The following EYS variants were observed in gnomAD, a reference collection of about 807,000 sequenced individuals.
The protein encoded by EYS is EGF-like photoreceptor maintenance factor.
A neutral mutation model predicts 282.1 loss-of-function variants in EYS; 250 were observed. The observed-to-expected ratio is 0.89, with a 90% CI of 0.80 to 0.98. The LOEUF (loss-of-function observed/expected upper bound fraction) is 0.98. EYS is among the 50% of genes least tolerant of loss of function. EYS has a pLI of 0.00. For synonymous variants in EYS, 1,355 were observed against 1,282.9 expected, an observed-to-expected ratio of 1.06 and a Z score of -1.20; for missense variants, 4,016 against 3,709.0, an observed-to-expected ratio of 1.08 and a Z score of -2.15.
chr6:64,570,591 T>C (rs1765693538), intron 26 of EYS, among the ~76,000 whole-genome samples: 1 of 152,070 alleles, frequency 6.6e-6, no homozygotes, highest in African/African-American at 2.4e-5. Context: ...GAGAAATATT[T>C]ACCGAGCAAA....
At chr6:64,946,405 A>G (rs1769290783) in intron 14 of EYS, among the ~76,000 whole-genome samples, 1 of 152,042 alleles carries the variant, frequency 6.6e-6, no homozygotes, top group Non-Finnish European at 1.5e-5. Context: ...AAAACTTTTC[A>G]TGGTGTTTTT....
At position 63,999,935 on chromosome 6, in the gene EYS, A is replaced by T. The variant is rs1453587890; in HGVS notation, c.6726-752T>A. ...ATTACCCTGGCACCTGCCATATTGTATCAACAGTAACTTGCACTGTTATAA... is the reference window on the plus strand; with the variant it reads ...ATTACCCTGGCACCTGCCATATTGTTTCAACAGTAACTTGCACTGTTATAA... On this transcript the variant is annotated intron_variant, in intron 33 of 42. Coordinates refer to ENST00000503581, the MANE Select transcript of EYS (RefSeq NM_001142800.2). 2.0e-5 allele frequency among the ~76,000 whole-genome samples: 3 copies of T among 152,286 alleles called. No individual in the cohort carries two copies. In the East Asian group the frequency reaches 5.8e-4, roughly 29 times the overall value.
chr6:64,539,328 G>A (rs767851115), intron 26 of EYS, among the ~76,000 whole-genome samples: 9 of 152,126 alleles, frequency 5.9e-5, no homozygotes, highest in Non-Finnish European at 1.3e-4. Context: ...TATTTTGGGA[G>A]GCCCAGGTAG....
In EYS at chr6:64,388,755, T is replaced by C; in HGVS notation, c.6013A>G (p.Lys2005Glu). The C allele has an allele frequency of 6.5e-7, 1 of 1,545,592 alleles. No homozygotes were observed. The highest frequency in any genetic ancestry group is 8.7e-7 in the Non-Finnish European group (1 of 1,144,024). ...ACAGATCCTGATTTTGGCAGGGGTT[T>C]TCCGAGTACATGATTGATAGATTCG... ...ICESINHVLG[K>E]PLPKSGSVFI... Residue 2005 changes from lysine to glutamate, a missense_variant, in exon 29 of 43, where the codon AAA becomes GAA. Transcript: ENST00000503581.
intron 30 of EYS, among the ~76,000 whole-genome samples, chr6:64,292,994 T>C (rs564998933): frequency 6.6e-6 from 1 of 152,230 alleles, no homozygotes; most frequent in East Asian, 1.9e-4. Context: ...TACAGTTCTA[T>C]ATGATCGTTT....
At chr6:65,323,436 G>A (rs961508496) in intron 11 of EYS, among the ~76,000 whole-genome samples, 6 of 152,080 alleles carry the variant, frequency 3.9e-5, no homozygotes, top group African/African-American at 1.4e-4. Context: ...CTGAAGACAA[G>A]GTGTTCTTAC....
intron 5 of EYS, among the ~76,000 whole-genome samples, chr6:65,472,543 T>C (rs1402070026): frequency 2.0e-5 from 3 of 152,058 alleles, no homozygotes; most frequent in African/African-American, 4.8e-5. Flanking sequence ...CTCTTCATTA[T>C]GACTTACAAA....
intron 22 of EYS, among the ~76,000 whole-genome samples, chr6:64,737,879 G>A (rs1390582427): frequency 1.3e-5 from 2 of 152,124 alleles, no homozygotes; most frequent in South Asian, 2.1e-4. Flanking sequence ...TTTAACTGTG[G>A]AAATAATGCA....
intron 36 of EYS, among the ~76,000 whole-genome samples, chr6:63,831,759 A>G (rs532736338): frequency 2.0e-5 from 3 of 152,340 alleles, no homozygotes; most frequent in South Asian, 2.1e-4. Context: ...TCAACAGAAT[A>G]TACATTCTTC....
intron 11 of EYS, among the ~76,000 whole-genome samples, chr6:65,334,617 A>G (rs1769912992): frequency 6.6e-6 from 1 of 151,838 alleles, no homozygotes; most frequent in Non-Finnish European, 1.5e-5. Flanking sequence ...ACTAAAGCAT[A>G]TGAGTTTTTG....
intron 33 of EYS, among the ~76,000 whole-genome samples, chr6:64,018,759 GTTTTTTTTTTTT>G (rs1163533009): frequency 2.4e-4 from 13 of 53,892 alleles, no homozygotes; most frequent in East Asian, 7.0e-4. Flanking sequence ...CATCACAAGT[GTTTTTTTTTTTT>G]TTTTTTTTTT....
intron 41 of EYS, among the ~76,000 whole-genome samples, chr6:63,757,247 G>T (rs547297337): frequency 1.3e-4 from 20 of 152,140 alleles, no homozygotes; most frequent in African/African-American, 4.8e-4. Flanking sequence ...GGCCGCTCTG[G>T]CAGTGTCTGT....
intron 29 of EYS, among the ~76,000 whole-genome samples, chr6:64,368,621 A>C (rs181175437): frequency 7.9e-5 from 12 of 152,230 alleles, no homozygotes; most frequent in Admixed American, 3.9e-4. Context: ...GTGAGACTGC[A>C]TCTCATTGTG....
intron 5 of EYS, among the ~76,000 whole-genome samples, chr6:65,466,307 A>G (rs543154962): frequency 6.6e-6 from 1 of 151,740 alleles, no homozygotes; most frequent in Non-Finnish European, 1.5e-5. Flanking sequence ...AGTTAAAGAG[A>G]TATTTCATTG....
chr6:65,192,262 A>G (rs1765659620), intron 12 of EYS, among the ~76,000 whole-genome samples: 2 of 148,608 alleles, frequency 1.3e-5, no homozygotes, highest in African/African-American at 5.0e-5. Context: ...GCACGTTAAC[A>G]ACTATTTCTT....
chr6:64,506,031 A>C (rs1777198306), intron 26 of EYS, among the ~76,000 whole-genome samples: 1 of 152,164 alleles, frequency 6.6e-6, no homozygotes, highest in African/African-American at 2.4e-5. Context: ...TTCACAGTAT[A>C]ATTGGGAAAG....
chr6:63,984,456 C>T lies in EYS; in HGVS notation c.6982G>A (p.Gly2328Arg), dbSNP rs746217317. Residue 2328 changes from glycine (G) to arginine (R), a missense_variant, in exon 35 of 43, where the codon GGA (glycine) becomes AGA (arginine). Transcript: ENST00000503581. The stretch of plus-strand genomic sequence containing the variant: ...ACGTGGCAGTTCTCAATATTCTTTC[C>T]ATGTCGTGCTTCATCGATGATGAAG... ...EFFIIDEARH[G>R]KNIENCHVPW... The T allele has an allele frequency of 1.3e-5, 20 of 1,549,606 alleles. No homozygotes were observed. The highest frequency in any genetic ancestry group is 1.7e-4 in the Middle Eastern group (1 of 5,994).
intron 22 of EYS, among the ~76,000 whole-genome samples, chr6:64,790,676 T>C (rs375714554): frequency 2.0e-5 from 3 of 151,840 alleles, no homozygotes; most frequent in Admixed American, 2.0e-4. Context: ...AGGCCAAATG[T>C]AGACAAAGGA....
At position 64,591,819 on chromosome 6, in the gene EYS, A is replaced by T. The variant is rs1408770983; in HGVS notation, c.4048T>A (p.Phe1350Ile). ...LSSADVSSSR[F>I]LNFGIRDPAQ... is the part of the protein sequence containing the mutation. ...GGGTCACGAATACCAAAATTCAGGA[A>T]TCGAGAAGAGGAAACATCTGCGGAA... The change falls in exon 26 of 43, where the codon TTC becomes ATC. Residue 1350 changes from phenylalanine to isoleucine, a missense_variant. Physicochemically the swap from Phe to Ile is conservative, Grantham distance 21. Transcript: ENST00000503581. 8 of 1,551,330 alleles carry T rather than the reference A, an allele frequency of 5.2e-6. No homozygotes were observed. Among genetic ancestry groups the T allele is most frequent in the Non-Finnish European group, 6.1e-6 (7 of 1,146,744 alleles).
Sources: allele counts gnomAD v4.1 joint callset (sites outside exome capture counted in the v4.1 genomes callset), GRCh38; gene constraint gnomAD v4.1.1; transcripts MANE v1.5; gene names NCBI Gene and HGNC (gene_info 2026-07-23, HGNC 2026-07-21).